Variants in LINGO1 observed in about 807,000 individuals in gnomAD.
LINGO1 encodes the protein leucine-rich repeat and immunoglobulin-like domain-containing nogo receptor-interacting protein 1.
A neutral mutation model predicts 37.3 loss-of-function variants in LINGO1; 11 were observed. The ratio of observed to expected loss-of-function variants is 0.29; its 90% CI spans 0.19 to 0.49. LINGO1 has a LOEUF of 0.49. LINGO1 is among the 20% of genes least tolerant of loss of function. The pLI, the probability that LINGO1 is intolerant of heterozygous loss-of-function variation, is 0.99. For missense variants in LINGO1, 585 were observed against 878.2 expected (o/e 0.67, Z 4.22); for synonymous variants, 387 against 403.0 (o/e 0.96, Z 0.48).
chr15:77,624,586 G>C (rs1160331253), intron 1 of LINGO1, among the ~76,000 whole-genome samples: 1 of 152,206 alleles, frequency 6.6e-6, no homozygotes. Flanking sequence ...GTGTTTAAAG[G>C]CTTCTATATA....
At chr15:77,709,213 C>A (rs1596140316) in intron 2 of LINGO1, among the ~76,000 whole-genome samples, 1 of 152,332 alleles carries the variant, frequency 6.6e-6, no homozygotes, top group South Asian at 2.1e-4. Context: ...ATTGTTCTAA[C>A]AACTGCAACT....
chr15:77,698,582 G>A (rs113717290), upstream of LINGO1, among the ~76,000 whole-genome samples: 58 of 152,284 alleles, frequency 3.8e-4, no homozygotes, highest in African/African-American at 1.2e-3. Context: ...ATGGTCCTCC[G>A]GGGCAGGGAT....
chr15:77,669,110 T>G (rs150908873), intron 3 of LINGO1, among the ~76,000 whole-genome samples: 2 of 152,374 alleles, frequency 1.3e-5, no homozygotes, highest in Non-Finnish European at 2.9e-5. Context: ...CCTGGGAGGA[T>G]GTGTGCACAG....
chr15:77,766,767 C>A (rs943391697), intron 1 of LINGO1, among the ~76,000 whole-genome samples: 2 of 152,166 alleles, frequency 1.3e-5, no homozygotes, highest in African/African-American at 4.8e-5. Flanking sequence ...AAACCTCTTT[C>A]CTTTACAAAT....
intron 3 of LINGO1, among the ~76,000 whole-genome samples, chr15:77,668,858 T>C (rs1344834898): frequency 2.0e-5 from 3 of 149,518 alleles, no homozygotes; most frequent in Non-Finnish European, 4.4e-5. Context: ...GGTCCCAAAC[T>C]GGGTTCTTCC....
chr15:77,674,901 C>T (rs2075305166), intron 3 of LINGO1, among the ~76,000 whole-genome samples: 1 of 151,960 alleles, frequency 6.6e-6, no homozygotes. Flanking sequence ...ACTGTTCGGT[C>T]CCTAACCAAA....
intron 1 of LINGO1, among the ~76,000 whole-genome samples, chr15:77,777,405 G>GACACACACCACACACACATATGA (rs2141417747): frequency 6.8e-6 from 1 of 146,266 alleles, no homozygotes; most frequent in African/African-American, 2.5e-5. Flanking sequence ...CACACATATG[G>GACACACACCACACACACATATGA]ACACACACAC....
At chr15:77,760,055 A>T (rs2076459193) in intron 1 of LINGO1, among the ~76,000 whole-genome samples, 1 of 152,186 alleles carries the variant, frequency 6.6e-6, no homozygotes, top group Non-Finnish European at 1.5e-5. Flanking sequence ...TGACGATTCT[A>T]AGGAGGCGGC....
Position 77,614,117 on chromosome 15 carries a change from T to C in LINGO1, c.1790A>G (p.Tyr597Cys). 6.2e-7 allele frequency: 1 copy of C among 1,613,936 alleles called. No individual in the cohort carries two copies. Among genetic ancestry groups the C allele is most frequent in the Non-Finnish European group, 8.5e-7 (1 of 1,179,872 alleles). The change falls in exon 2 of 2, where the codon TAT (tyrosine) becomes TGT (cysteine). Residue 597 changes from tyrosine to cysteine, a missense_variant. Physicochemically the swap from Tyr to Cys is radical, Grantham distance 194 (BLOSUM62 -2). This residue lies in a region of LINGO1 where 34 missense variants were observed against 62.0 expected (regional missense o/e 0.55). Coordinates refer to ENST00000355300, the MANE Select transcript of LINGO1 (RefSeq NM_032808.7). ...GNTKHNIEIE[Y>C]VPRKSDAGIS... ...GCCTGCGTCCGACTTTCGGGGCACATACTCGATCTCGATGTTGTGCTTTGT... is the reference window on the plus strand; with the variant it reads ...GCCTGCGTCCGACTTTCGGGGCACACACTCGATCTCGATGTTGTGCTTTGT...
intron 1 of LINGO1, among the ~76,000 whole-genome samples, chr15:77,805,396 CTCT>C (rs992503528): frequency 1.2e-4 from 18 of 152,218 alleles, no homozygotes; most frequent in Non-Finnish European, 4.4e-5. Flanking sequence ...ATTTCCCCAT[CTCT>C]AAGCAAGAGG....
intron 1 of LINGO1, among the ~76,000 whole-genome samples, chr15:77,764,819 T>C (rs953254270): frequency 3.3e-5 from 5 of 152,140 alleles, no homozygotes; most frequent in Admixed American, 2.6e-4. Flanking sequence ...TCCAAGAGTC[T>C]CCCACATGCA....
At chr15:77,656,370 T>C (rs984488172) in intron 3 of LINGO1, among the ~76,000 whole-genome samples, 1 of 152,092 alleles carries the variant, frequency 6.6e-6, no homozygotes, top group South Asian at 2.1e-4. Context: ...CTGCCCTTTT[T>C]CCCTTCCTAA....
chr15:77,661,964 T>C (rs935837795), intron 3 of LINGO1, among the ~76,000 whole-genome samples: 2 of 152,216 alleles, frequency 1.3e-5, no homozygotes, highest in Non-Finnish European at 2.9e-5. Context: ...CCCAGGATGC[T>C]GCCTGCACCC....
At chr15:77,671,851 TC>T (rs1265016061) in intron 3 of LINGO1, among the ~76,000 whole-genome samples, 2 of 152,222 alleles carry the variant, frequency 1.3e-5, no homozygotes, top group Non-Finnish European at 2.9e-5. Context: ...CACTATCTCC[TC>T]CTACGCCACA....
At chr15:77,755,063 T>C (rs1596192963) in intron 1 of LINGO1, among the ~76,000 whole-genome samples, 2 of 152,302 alleles carry the variant, frequency 1.3e-5, no homozygotes, top group South Asian at 4.1e-4. Context: ...AAGCCACAGA[T>C]GGATGCACAA....
At chr15:77,800,335 T>C (rs1319987946) in intron 1 of LINGO1, among the ~76,000 whole-genome samples, 1 of 151,940 alleles carries the variant, frequency 6.6e-6, no homozygotes, top group Non-Finnish European at 1.5e-5. Flanking sequence ...GGAAACCAGC[T>C]GGGGATGGGA....
rs1491034554 is a variant in LINGO1 at position 77,796,725 on chromosome 15, TTA to T, written c.-457-674_-457-673del. Among the ~76,000 whole-genome samples, 28 of 135,670 alleles carry T rather than the reference TTA, an allele frequency of 2.1e-4. No individual in the cohort carries two copies. In the Admixed American group the frequency reaches 2.1e-3, roughly 10 times the overall value. The allele number at this position is 135,670 out of a possible 152,430, so 89.0% of individuals were successfully genotyped here. A position where few individuals can be genotyped will look rare whatever the true frequency, so the allele number is the denominator to read the frequency against. ...GCCTCTCCTGCCTTTTTTTTTTTTTTTAAAGAGGCAGAGTCTTGCTCTGCCAC... is the reference window on the plus strand; with the variant it reads ...GCCTCTCCTGCCTTTTTTTTTTTTTTAAGAGGCAGAGTCTTGCTCTGCCAC... On this transcript the variant is annotated intron_variant, in intron 1 of 5. Coordinates refer to the LINGO1 transcript ENST00000562933.
chr15:77,781,465 A>G (rs60645779), intron 1 of LINGO1, among the ~76,000 whole-genome samples: 1 of 152,364 alleles, frequency 6.6e-6, no homozygotes, highest in African/African-American at 2.4e-5. Flanking sequence ...GTTTAATTAA[A>G]GTGGATTAAA....
intron 1 of LINGO1, among the ~76,000 whole-genome samples, chr15:77,746,594 G>A (rs2076317039): frequency 6.6e-6 from 1 of 152,188 alleles, no homozygotes; most frequent in Admixed American, 6.5e-5. Context: ...AGGTGCAGGA[G>A]CAAGGCTGGG....
Sources: gnomAD v4.1 joint callset for allele counts (sites outside exome capture counted in the v4.1 genomes callset) on GRCh38, gnomAD v4.1.1 for gene constraint, gnomAD v4.1.1 regional missense constraint, MANE v1.5 for transcripts, NCBI Gene and HGNC (gene_info 2026-07-23, HGNC 2026-07-21) for gene names.